The following GPHN variants were observed in gnomAD, a reference collection of about 807,000 sequenced individuals.
GPHN encodes gephyrin.
Under a neutral mutation model 95.5 loss-of-function variants are expected in GPHN, and 17 were observed. That is an observed-to-expected ratio of 0.18 (90% CI 0.12 to 0.27). The LOEUF (loss-of-function observed/expected upper bound fraction) is 0.27. Ranked by LOEUF, GPHN falls within the 10% of genes least tolerant of loss-of-function variation. GPHN has a pLI of 1.00. For missense variants in GPHN, 660 were observed against 978.1 expected (o/e 0.67, Z 4.34); for synonymous variants, 320 against 322.5 (o/e 0.99, Z 0.08).
At chr14:66,686,523 G>A (rs1181624794) in intron 2 of GPHN, among the ~76,000 whole-genome samples, 12 of 152,266 alleles carry the variant, frequency 7.9e-5, no homozygotes, top group Admixed American at 7.8e-4. Context: ...TTGTGAATGG[G>A]AGTTCACTCA....
In GPHN at chr14:66,601,327, G is replaced by A. The variant is rs78142014; in HGVS notation, c.65-79780G>A. On this transcript the variant is annotated intron_variant, in intron 1 of 22. Transcript: ENST00000478722. Reference sequence around the variant, plus strand: ...TTTGGAGACCACGGAAAGGCTTTAGGTGATGGTTTCTAAATGGAGGCTTTT... The same window carrying A: ...TTTGGAGACCACGGAAAGGCTTTAGATGATGGTTTCTAAATGGAGGCTTTT... Among the ~76,000 whole-genome samples the A allele has an allele frequency of 6.8e-3, 1,033 of 152,092 alleles. 2 individuals are homozygous for A. The highest frequency in any genetic ancestry group is 0.012 in the Non-Finnish European group (818 of 67,884).
chr14:66,599,392 A>ATTTCTTTTTTTTTTTTTTTTTTTTTTTTT (rs1555357374), intron 1 of GPHN, among the ~76,000 whole-genome samples: 1 of 76,520 alleles, frequency 1.3e-5, no homozygotes, highest in African/African-American at 7.2e-5. Flanking sequence ...TTTTTTTTGC[A>ATTTCTTTTTTTTTTTTTTTTTTTTTTTTT]TTTTTTTTTT....
intron 2 of GPHN, among the ~76,000 whole-genome samples, chr14:66,745,557 T>C (rs573883533): frequency 4.6e-5 from 7 of 152,224 alleles, no homozygotes; most frequent in Admixed American, 1.3e-4. Flanking sequence ...TTGATAGTGA[T>C]ATGTCTTCAC....
intron 9 of GPHN, among the ~76,000 whole-genome samples, chr14:66,975,854 C>A (rs530906654): frequency 6.6e-6 from 1 of 152,248 alleles, no homozygotes; most frequent in African/African-American, 2.4e-5. Flanking sequence ...GCCTGGGTGA[C>A]AAAGCAAGGC....
At chr14:66,871,424 A>G (rs745970765) in intron 4 of GPHN, among the ~76,000 whole-genome samples, 23 of 152,324 alleles carry the variant, frequency 1.5e-4, no homozygotes, top group Non-Finnish European at 2.4e-4. Flanking sequence ...ATAAATATTA[A>G]CACTATCCAA....
Position 66,518,915 on chromosome 14 carries a change from G to A in GPHN, c.64+10324G>A, listed in dbSNP as rs370040089. 3.6e-3 allele frequency among the ~76,000 whole-genome samples: 544 copies of A among 152,142 alleles called. 9 individuals carry two copies. Among genetic ancestry groups the A allele is most frequent in the African/African-American group, 0.012 (518 of 41,534 alleles). ...TTGGAGAAATAAATTCTAGTCTTCT[G>A]TAGCATTGTAGGGTGACTATAGTTA... On this transcript the variant is annotated intron_variant, in intron 1 of 22. Transcript: ENST00000478722.
chr14:67,412,520 A>T, the GPHN span, among the ~76,000 whole-genome samples: 1 of 152,150 alleles, frequency 6.6e-6, no homozygotes, highest in Admixed American at 6.6e-5. Flanking sequence ...GGGTGAGCCG[A>T]AACTGGTATG....
chr14:67,189,502 A>T, the GPHN span: 6 of 152,166 alleles, frequency 3.9e-5, no homozygotes, highest in South Asian at 2.1e-4. Context: ...GAAACGTGCT[A>T]TTTGGAGGTT....
the GPHN span, among the ~76,000 whole-genome samples, chr14:67,377,304 A>T: frequency 6.6e-6 from 1 of 152,176 alleles, no homozygotes; most frequent in East Asian, 1.9e-4. Context: ...AGGAAAAATC[A>T]GTCTTGCAGG....
chr14:66,760,922 T>A, intron 2 of GPHN: 1 of 948,838 alleles, frequency 1.1e-6, no homozygotes, highest in Non-Finnish European at 1.6e-6. Context: ...AAAACATCCA[T>A]CTTATCCGAG....
chr14:66,878,908 A>G (rs9743488), intron 4 of GPHN, among the ~76,000 whole-genome samples: 22,519 of 152,148 alleles, frequency 0.15, 3,186 homozygotes, highest in East Asian at 0.43. Context: ...ACATGCACAC[A>G]TATGTTTATT....
chr14:67,029,599 AG>A (rs1362192686), intron 10 of GPHN, among the ~76,000 whole-genome samples: 1 of 152,124 alleles, frequency 6.6e-6, no homozygotes, highest in African/African-American at 2.4e-5. Context: ...AGCCCCCCAA[AG>A]TGCTGGGATT....
chr14:66,829,261 T>C (rs1455639549), intron 4 of GPHN, among the ~76,000 whole-genome samples: 1 of 151,946 alleles, frequency 6.6e-6, no homozygotes, highest in East Asian at 1.9e-4. Context: ...CTAATTTTTA[T>C]ATTTTTAGTA....
intron 1 of GPHN, among the ~76,000 whole-genome samples, chr14:66,602,361 T>C (rs1456436160): frequency 6.6e-6 from 1 of 151,990 alleles, no homozygotes; most frequent in Non-Finnish European, 1.5e-5. Context: ...TGCTTTTCTT[T>C]TTATTGTTAG....
intron 1 of GPHN, among the ~76,000 whole-genome samples, chr14:66,584,792 G>C (rs1451684225): frequency 6.6e-6 from 1 of 152,128 alleles, no homozygotes; most frequent in Non-Finnish European, 1.5e-5. Context: ...CGGTTTGCCA[G>C]TATTTTATTG....
chr14:66,533,118 GT>G (rs555229752), intron 1 of GPHN, among the ~76,000 whole-genome samples: 29 of 152,252 alleles, frequency 1.9e-4, no homozygotes, highest in African/African-American at 7.0e-4. Context: ...ATTAATAAAT[GT>G]TTTTTTCCCC....
At chr14:67,110,303 G>A in intron 14 of GPHN, 44 bp downstream of exon 14, 1 of 1,605,652 alleles carries the variant, frequency 6.2e-7, no homozygotes, top group Non-Finnish European at 8.5e-7. Context: ...TCCTATGGCA[G>A]TATTATGTCA....
At chr14:67,111,813 A>G (rs914522092) in intron 14 of GPHN, 48 bp from the exon 15 acceptor site, 2 of 1,410,066 alleles carry the variant, frequency 1.4e-6, no homozygotes, top group African/African-American at 1.4e-5. Context: ...ACTAAATTCT[A>G]CTGCTCAGAA....
At chr14:67,106,744 TTTTG>T (rs1215897262) in intron 13 of GPHN, among the ~76,000 whole-genome samples, 2 of 151,234 alleles carry the variant, frequency 1.3e-5, no homozygotes, top group Non-Finnish European at 2.9e-5. Flanking sequence ...TAGGTTTTGT[TTTTG>T]TTTTTGTTTT....
Sources: gnomAD v4.1 joint callset for allele counts (sites outside exome capture counted in the v4.1 genomes callset) on GRCh38, gnomAD v4.1.1 for gene constraint, MANE v1.5 for transcripts, NCBI Gene and HGNC (gene_info 2026-07-23, HGNC 2026-07-21) for gene names.